Variants in TECPR1 observed in about 807,000 individuals in gnomAD.
TECPR1 encodes the protein tectonin beta-propeller repeat containing 1.
A neutral mutation model predicts 162.4 loss-of-function variants in TECPR1; 122 were observed. The observed-to-expected ratio is 0.75, with a 90% CI of 0.65 to 0.87. The LOEUF (loss-of-function observed/expected upper bound fraction) is 0.87, where lower values mean the gene tolerates loss of function less well. Ranked by LOEUF, TECPR1 falls within the 40% of genes least tolerant of loss-of-function variation. TECPR1 has a pLI of 0.00. For synonymous variants in TECPR1, 642 were observed against 670.6 expected (o/e 0.96, Z 0.66); for missense variants, 1,432 against 1,618.2 (o/e 0.88, Z 1.97).
In TECPR1 at chr7:98,236,936, C is replaced by T; in HGVS notation, c.1036-15G>A. The T allele has an allele frequency of 2.0e-6, 3 of 1,529,750 alleles. No homozygotes were observed. The highest frequency in any genetic ancestry group is 2.6e-6 in the Non-Finnish European group (3 of 1,136,170). 94.8% of individuals were successfully genotyped at this position (1,529,750 alleles called of 1,614,324 possible). On this transcript the variant is annotated splice_polypyrimidine_tract_variant and intron_variant, in intron 9 of 25. Coordinates refer to ENST00000447648, the MANE Select transcript of TECPR1 (RefSeq NM_015395.3). Reference sequence around the variant, plus strand: ...ATGCCCCACACCTGGAAGAGAGAGGCTGTGTTCCGAGGAATCTGGGCGCAG... The same window carrying T: ...ATGCCCCACACCTGGAAGAGAGAGGTTGTGTTCCGAGGAATCTGGGCGCAG...
chr7:98,231,063 G>C lies in TECPR1; in HGVS notation c.2180C>G (p.Ser727Cys). The stretch of plus-strand genomic sequence containing the variant: ...GGTGATGGACCAGATGGCCTGCGGG[G>C]ACGGGCGGCCCTGCACCTTCCGGCT... ...CESRKVQGRPSPQAIWSITCK... is the reference protein window; with the variant it reads ...CESRKVQGRPCPQAIWSITCK... The change falls in exon 15 of 26, where the codon TCC becomes TGC. Residue 727 changes from serine to cysteine, a missense_variant. By Grantham distance (112) the Ser-to-Cys change is moderately radical. Transcript: ENST00000447648. 6.2e-7 allele frequency: 1 copy of C among 1,610,458 alleles called. No homozygotes were observed. Among genetic ancestry groups the C allele is most frequent in the South Asian group, 1.1e-5 (1 of 90,510 alleles).
chr7:98,218,479 C>T (rs190570558), intron 23 of TECPR1, among the ~76,000 whole-genome samples: 8 of 152,286 alleles, frequency 5.3e-5, no homozygotes, highest in East Asian at 3.9e-4. Flanking sequence ...ACCCTAAAGA[C>T]GCCTCCAAAA....
Position 98,245,954 on chromosome 7 carries a change from T to C in TECPR1, c.193A>G (p.Ile65Val), listed in dbSNP as rs1445000896. Residue 65 changes from isoleucine to valine, a missense_variant, in exon 3 of 26, where the codon ATC (isoleucine) becomes GTC (valine). Transcript: ENST00000447648. Reference sequence around the variant, plus strand: ...TCATAGGCCTCCTCTCGGCGGCGGATGGGGACATCGCTGGCACACACATAC... The same window carrying C: ...TCATAGGCCTCCTCTCGGCGGCGGACGGGGACATCGCTGGCACACACATAC... Reference protein sequence around the residue: ...YVYVCASDVPIRRREEAYENQ... With the variant: ...YVYVCASDVPVRRREEAYENQ... The C allele has an allele frequency of 6.2e-7, 1 of 1,605,636 alleles. No individual in the cohort carries two copies. The highest frequency in any genetic ancestry group is 1.3e-5 in the African/African-American group (1 of 74,806).
chr7:98,245,782 G>A, intron 3 of TECPR1, 140 bp downstream of exon 3: 1 of 817,954 alleles, frequency 1.2e-6, no homozygotes, highest in East Asian at 2.7e-5. Context: ...CAGCAACACA[G>A]ATTTTAAGTA....
In TECPR1 at chr7:98,233,592, G is replaced by T; in HGVS notation, c.1501C>A (p.His501Asn). The change falls in exon 11 of 26, where the codon CAC (histidine) becomes AAC (asparagine). Residue 501 changes from histidine to asparagine, a missense_variant. His to Asn is a moderately conservative substitution (Grantham distance 68, BLOSUM62 1). Coordinates refer to ENST00000447648, the MANE Select transcript of TECPR1 (RefSeq NM_015395.3). ...GTCTCGGGGAAGCCAGCGGCCGAGT[G>T]GCTGGGCACTTTCTTGGCCTCCTTG... ...DLKEAKKVPSHSAAGFPETTS... is the reference protein window; with the variant it reads ...DLKEAKKVPSNSAAGFPETTS... The T allele has an allele frequency of 1.3e-6, 2 of 1,591,042 alleles. No homozygotes were observed. The highest frequency in any genetic ancestry group is 1.7e-4 in the Middle Eastern group (1 of 5,892).
intron 10 of TECPR1, among the ~76,000 whole-genome samples, chr7:98,235,238 A>G (rs1205986344): frequency 6.6e-6 from 1 of 152,168 alleles, no homozygotes; most frequent in Non-Finnish European, 1.5e-5. Context: ...AAGAACTAAC[A>G]GCTGGGGCCA....
chr7:98,247,935 A>G (rs1798954737), intron 2 of TECPR1, among the ~76,000 whole-genome samples: 1 of 152,128 alleles, frequency 6.6e-6, no homozygotes, highest in Non-Finnish European at 1.5e-5. Context: ...TATGTTGCCC[A>G]GGCTGGTCTT....
Position 98,241,680 on chromosome 7 carries a change from A to G in TECPR1, c.658-436T>C, listed in dbSNP as rs566456706. Among the ~76,000 whole-genome samples the G allele has an allele frequency of 3.9e-5, 6 of 152,308 alleles. No homozygotes were observed. In the East Asian group the frequency reaches 5.8e-4, roughly 15 times the overall value. Reference sequence around the variant, plus strand: ...TTAAGACTGGGAGCAACGTGCTCAGAGCGTCTGAACTGTTTGGCTCATTTT... The same window carrying G: ...TTAAGACTGGGAGCAACGTGCTCAGGGCGTCTGAACTGTTTGGCTCATTTT... On this transcript the variant is annotated intron_variant, in intron 6 of 25. Transcript: ENST00000447648. The surrounding 1 kb of genome is among the most constrained non-coding windows in gnomAD (Gnocchi z 5.0).
chr7:98,248,251 G>A (rs1798963967), intron 2 of TECPR1, among the ~76,000 whole-genome samples: 1 of 152,152 alleles, frequency 6.6e-6, no homozygotes, highest in South Asian at 2.1e-4. Context: ...AGCCACCAGG[G>A]CCATCACCTG....
rs1798029150 is a variant in TECPR1 at position 98,217,074 on chromosome 7, G to T, written c.*316C>A. 3.6e-6 allele frequency: 1 copy of T among 277,730 alleles called. No homozygotes were observed. Among genetic ancestry groups the T allele is most frequent in the Middle Eastern group, 1.0e-3 (1 of 980 alleles). 17.2% of individuals were successfully genotyped at this position (277,730 alleles called of 1,614,324 possible). ...GTTCCCGGAGGGCTCCAGGTTCCCG[G>T]TTCTAGTCCTGGAAAGGCAGAAGGG... On this transcript the variant is annotated 3_prime_UTR_variant, in exon 26 of 26. Transcript: ENST00000447648.
chr7:98,238,753 G>A (rs1310545818), intron 8 of TECPR1, 143 bp from the exon 9 acceptor site: 3 of 716,810 alleles, frequency 4.2e-6, no homozygotes, highest in Non-Finnish European at 7.3e-6. Context: ...ATTTAGCGAG[G>A]AAGCCCTTAT....
chr7:98,250,606 C>A (rs1001023024), intron 2 of TECPR1, among the ~76,000 whole-genome samples: 6 of 152,112 alleles, frequency 3.9e-5, no homozygotes, highest in African/African-American at 1.2e-4. Context: ...CCACTGCACT[C>A]CAGCCTGGGC....
rs755543486 is a variant in TECPR1 at position 98,221,642 on chromosome 7, T to A, written c.3157+19A>T. 6 of 1,610,926 alleles carry A rather than the reference T, an allele frequency of 3.7e-6. No individual in the cohort carries two copies. In the African/African-American group the frequency reaches 4.0e-5, roughly 11 times the overall value. ...ATGCCCAGCCAAAACATTAAAAATT[T>A]AAAAAAAGAGCAACTTGCCATTCTC... On this transcript the variant is annotated intron_variant, in intron 23 of 25. Coordinates refer to ENST00000447648, the MANE Select transcript of TECPR1 (RefSeq NM_015395.3).
Position 98,222,444 on chromosome 7 carries a change from G to C in TECPR1, c.3006C>G (p.Ala1002=). 6.3e-7 allele frequency: 1 copy of C among 1,595,978 alleles called. No homozygotes were observed. Among genetic ancestry groups the C allele is most frequent in the Non-Finnish European group, 8.5e-7 (1 of 1,172,280 alleles). The part of the protein sequence containing the change: ...ISIGACYQVW[A]VARDGSAFYR... ...AGAAGGCGGAGCCGTCCCTTGCCAC[G>C]GCCCACACCTGGTAGCAGGCCCCGA... Residue 1002 remains alanine (A), a synonymous_variant, in exon 22 of 26, where the codon GCC becomes GCG. Transcript: ENST00000447648.
In TECPR1 at chr7:98,217,743, G is replaced by A. The variant is rs779331136; in HGVS notation, c.3333C>T (p.Thr1111=). ...SLSRGTVCHR[T]GVQPHEPKGH... is the part of the protein sequence containing the mutation. The stretch of plus-strand genomic sequence containing the variant: ...CCTTGGGCTCGTGAGGCTGCACGCC[G>A]GTGCGATGACACACTGTCCCCCGGC... Residue 1111 remains threonine, a synonymous_variant, in exon 25 of 26, where the codon ACC becomes ACT. Transcript: ENST00000447648. 13 of 1,550,388 alleles carry A rather than the reference G, an allele frequency of 8.4e-6. No individual in the cohort carries two copies. In the Admixed American group the frequency reaches 9.8e-5, roughly 12 times the overall value.
At chr7:98,226,160 G>C (rs779098485) in intron 17 of TECPR1, among the ~76,000 whole-genome samples, 6 of 152,232 alleles carry the variant, frequency 3.9e-5, no homozygotes, top group Middle Eastern at 3.2e-3. Flanking sequence ...CGTCGGAACT[G>C]AGGAGGACGT....
chr7:98,224,650 C>G (rs1348850849), intron 19 of TECPR1, 151 bp downstream of exon 19: 5 of 751,246 alleles, frequency 6.7e-6, no homozygotes, highest in Non-Finnish European at 1.0e-5. Flanking sequence ...TCCTCCCCCT[C>G]CAGTAGCAGG....
Position 98,233,633 on chromosome 7 carries a change from C to T in TECPR1, c.1460G>A (p.Trp487Ter). Residue 487 changes from tryptophan (W) to a stop codon, truncating the protein, a stop_gained, in exon 11 of 26, where the codon TGG becomes TAG. Transcript: ENST00000447648. LOFTEE classifies it high-confidence loss of function. ...GPAPTPAELP[W>*]TNIDLKEAKK... ...GGCCTCCTTGAGGTCAATATTGGTC[C>T]AGGGCAGCTCGGCCGGGGTGGGGGC... 2 of 1,590,132 alleles carry T rather than the reference C, an allele frequency of 1.3e-6. No homozygotes were observed. The highest frequency in any genetic ancestry group is 8.6e-7 in the Non-Finnish European group (1 of 1,167,502).
At position 98,246,093 on chromosome 7, in the gene TECPR1, C is replaced by G; in HGVS notation, c.54G>C (p.Leu18=). Residue 18 remains leucine (L), a synonymous_variant, in exon 3 of 26, where the codon CTG becomes CTC. Transcript: ENST00000447648. ...AVDLFGRVYT[L]STAGQYWEMC... ...TTTCCCAGTACTGGCCTGCTGTGGA[C>G]AGCGTGTACACTCTCCCGAAGAGGT... The G allele has an allele frequency of 6.4e-7, 1 of 1,559,610 alleles. No homozygotes were observed. Among genetic ancestry groups the G allele is most frequent in the Non-Finnish European group, 8.7e-7 (1 of 1,152,698 alleles).
Sources: gnomAD v4.1 joint callset for allele counts (sites outside exome capture counted in the v4.1 genomes callset) on GRCh38, gnomAD v4.1.1 for gene constraint, Gnocchi (gnomAD v3.1) non-coding constraint, MANE v1.5 for transcripts, NCBI Gene and HGNC (gene_info 2026-07-23, HGNC 2026-07-21) for gene names.